FGF12: variants seen among roughly 807,000 people sequenced by gnomAD.
FGF12 encodes the protein fibroblast growth factor 12B.
Under a neutral mutation model 23.6 loss-of-function variants are expected in FGF12, and 14 were observed. The observed-to-expected ratio is 0.59, with a 90% CI of 0.39 to 0.93. The LOEUF (loss-of-function observed/expected upper bound fraction) is 0.93. FGF12 is among the 40% of genes least tolerant of loss of function. The probability of loss-of-function intolerance (pLI) is 0.00; values close to 1 mark genes in which losing one functional copy is unlikely to be tolerated. For missense variants in FGF12, 175 were observed against 217.8 expected (o/e 0.80, Z 1.24); for synonymous variants, 62 against 77.3 (o/e 0.80, Z 1.04).
chr3:192,653,717 A>G (rs1716294190), intron 2 of FGF12, among the ~76,000 whole-genome samples: 3 of 100,286 alleles, frequency 3.0e-5, no homozygotes, highest in Admixed American at 9.1e-5. Context: ...TCCTCATTTG[A>G]GGCTTTTTTT....
chr3:192,682,191 T>A (rs903064042), intron 2 of FGF12, among the ~76,000 whole-genome samples: 15 of 152,164 alleles, frequency 9.9e-5, no homozygotes, highest in African/African-American at 3.1e-4. Context: ...AGAACCCTCA[T>A]TAACCATATG....
chr3:192,283,703 C>T (rs1714285077), intron 4 of FGF12, among the ~76,000 whole-genome samples: 1 of 151,988 alleles, frequency 6.6e-6, no homozygotes, highest in South Asian at 2.1e-4. Context: ...TAGGTAATCT[C>T]ATTAGTCAAA....
intron 4 of FGF12, among the ~76,000 whole-genome samples, chr3:192,251,358 G>A (rs111840103): frequency 0.019 from 2,861 of 152,190 alleles, 72 homozygotes; most frequent in African/African-American, 0.054. Context: ...TAACTCTATT[G>A]TACTATTACA....
chr3:192,176,788 C>T (rs1715885976), intron 4 of FGF12, among the ~76,000 whole-genome samples: 1 of 152,052 alleles, frequency 6.6e-6, no homozygotes, highest in South Asian at 2.1e-4. Context: ...AAATAACAAC[C>T]ATTCATTTAT....
chr3:192,522,071 G>A (rs534210732), intron 2 of FGF12, among the ~76,000 whole-genome samples: 223 of 152,076 alleles, frequency 1.5e-3, no homozygotes, highest in Non-Finnish European at 2.5e-3. Context: ...GGTGGCGGGC[G>A]CCTGTAGTCC....
intron 4 of FGF12, among the ~76,000 whole-genome samples, chr3:192,254,389 T>C (rs1043472480): frequency 1.3e-5 from 2 of 151,964 alleles, no homozygotes; most frequent in African/African-American, 4.8e-5. Flanking sequence ...TCATTGTGCA[T>C]ATATACTACA....
chr3:192,579,812 C>T (rs1846958), intron 2 of FGF12, among the ~76,000 whole-genome samples: 5 of 152,096 alleles, frequency 3.3e-5, no homozygotes, highest in Admixed American at 1.3e-4. Context: ...TCAGGTGGTC[C>T]GATCATCTCG....
At chr3:192,540,263 C>T (rs1203351927) in intron 2 of FGF12, among the ~76,000 whole-genome samples, 2 of 152,038 alleles carry the variant, frequency 1.3e-5, no homozygotes, top group South Asian at 2.1e-4. Context: ...TAATTTTTGA[C>T]GTAGGTAATT....
chr3:192,257,947 A>T (rs1163681820), intron 4 of FGF12, among the ~76,000 whole-genome samples: 2 of 151,924 alleles, frequency 1.3e-5, no homozygotes, highest in East Asian at 3.9e-4. Flanking sequence ...AAACTCTTAA[A>T]TTCCAATCCT....
chr3:192,575,762 G>C (rs1712851650), intron 2 of FGF12, among the ~76,000 whole-genome samples: 1 of 150,928 alleles, frequency 6.6e-6, no homozygotes, highest in Non-Finnish European at 1.5e-5. Context: ...AATGACTCTG[G>C]CCTATTGATA....
chr3:192,706,541 AG>A (rs1444762479), intron 2 of FGF12, among the ~76,000 whole-genome samples: 1 of 152,076 alleles, frequency 6.6e-6, no homozygotes, highest in Non-Finnish European at 1.5e-5. Context: ...TAACTGACCA[AG>A]CAGAAACAAT....
At chr3:192,573,175 G>A (rs962391592) in intron 2 of FGF12, among the ~76,000 whole-genome samples, 1 of 151,836 alleles carries the variant, frequency 6.6e-6, no homozygotes, top group African/African-American at 2.4e-5. Context: ...CAGTGCTTAT[G>A]GAACCTACTT....
intron 2 of FGF12, among the ~76,000 whole-genome samples, chr3:192,461,850 C>A (rs1722871617): frequency 6.6e-6 from 1 of 151,902 alleles, no homozygotes; most frequent in Non-Finnish European, 1.5e-5. Context: ...ATTAGCCAGG[C>A]ATGGTGGTGC....
rs1715206934 is a variant in FGF12, at chr3:192,627,315, A to G, written c.13+99866T>C. ...AAATATAGTTGGAAAATATAATTTT[A>G]ATAAAACATATAAAATACTATATTT... On this transcript the variant is annotated intron_variant, in intron 2 of 5. Coordinates refer to ENST00000445105, the MANE Select transcript of FGF12 (RefSeq NM_004113.6). Among the ~76,000 whole-genome samples, 4 of 152,182 alleles carry G rather than the reference A, an allele frequency of 2.6e-5. No individual in the cohort carries two copies. The South Asian group carries it at 8.3e-4, about 32-fold the overall frequency.
chr3:192,444,210 C>T (rs1722284854), intron 2 of FGF12, among the ~76,000 whole-genome samples: 1 of 152,170 alleles, frequency 6.6e-6, no homozygotes, highest in Admixed American at 6.5e-5. Context: ...TCACCCATAT[C>T]CCCTCCAGTT....
At chr3:192,390,067 C>T (rs1026439675) in intron 2 of FGF12, among the ~76,000 whole-genome samples, 2 of 152,182 alleles carry the variant, frequency 1.3e-5, no homozygotes, top group Non-Finnish European at 2.9e-5. Context: ...TTCCTTAGAA[C>T]ATACAAAATG....
intron 5 of FGF12, 50 bp downstream of exon 5, chr3:192,170,408 T>C (rs1715486876): frequency 4.0e-6 from 6 of 1,493,222 alleles, no homozygotes; most frequent in Non-Finnish European, 5.6e-6. Context: ...GCAGAATTGA[T>C]GTCAACACAC....
chr3:192,350,421 A>G (rs1718166362), intron 3 of FGF12, among the ~76,000 whole-genome samples: 1 of 152,210 alleles, frequency 6.6e-6, no homozygotes. Context: ...AAGTAGGTAT[A>G]TTAGATAGTG....
chr3:192,321,683 G>A (rs1003570988), intron 4 of FGF12, among the ~76,000 whole-genome samples: 18 of 152,142 alleles, frequency 1.2e-4, no homozygotes, highest in African/African-American at 3.9e-4. Context: ...CAACCAATGT[G>A]ATATGTCATA....
Sources: allele counts gnomAD v4.1 joint callset (sites outside exome capture counted in the v4.1 genomes callset), GRCh38; gene constraint gnomAD v4.1.1; transcripts MANE v1.5; gene names NCBI Gene and HGNC (gene_info 2026-07-23, HGNC 2026-07-21).